PCSK2: variants seen among roughly 807,000 people sequenced by gnomAD.
PCSK2 encodes neuroendocrine convertase 2.
In PCSK2, 14 loss-of-function variants were observed where a neutral mutation model predicts 69.7. That is an observed-to-expected ratio of 0.20 (90% CI 0.13 to 0.31). The LOEUF is 0.31. PCSK2 is among the 10% of genes least tolerant of loss of function. The pLI, the probability that PCSK2 is intolerant of heterozygous loss-of-function variation, is 1.00. For missense variants in PCSK2, 544 were observed against 842.5 expected (o/e 0.65, Z 4.39); for synonymous variants, 307 against 320.7 (o/e 0.96, Z 0.46).
At chr20:17,276,745 G>C (rs1988095614) in intron 2 of PCSK2, among the ~76,000 whole-genome samples, 1 of 152,094 alleles carries the variant, frequency 6.6e-6, no homozygotes, top group Non-Finnish European at 1.5e-5. Flanking sequence ...AGGAAATAAA[G>C]GGCATTCAAT....
At chr20:17,404,005 G>A (rs1406183136) in intron 5 of PCSK2, among the ~76,000 whole-genome samples, 2 of 152,210 alleles carry the variant, frequency 1.3e-5, no homozygotes, top group Non-Finnish European at 2.9e-5. Context: ...GGGCAAATTA[G>A]AAAAGATGTC....
chr20:17,291,376 G>GTGTTT (rs577696780), intron 2 of PCSK2, among the ~76,000 whole-genome samples: 33 of 152,068 alleles, frequency 2.2e-4, no homozygotes, highest in African/African-American at 6.5e-4. Context: ...TGTTTTTGTT[G>GTGTTT]TGTTTTGTTT....
At chr20:17,276,282 A>G (rs1988072159) in intron 2 of PCSK2, among the ~76,000 whole-genome samples, 1 of 152,144 alleles carries the variant, frequency 6.6e-6, no homozygotes, top group Non-Finnish European at 1.5e-5. Flanking sequence ...AGCTTTCTCA[A>G]ATCCCTCAGA....
chr20:17,361,497 C>T (rs764469342), intron 4 of PCSK2, among the ~76,000 whole-genome samples: 1 of 152,198 alleles, frequency 6.6e-6, no homozygotes, highest in Non-Finnish European at 1.5e-5. Context: ...CCTCCATCAC[C>T]CATCTGGGTC....
chr20:17,370,110 G>A (rs1226427336), intron 5 of PCSK2, among the ~76,000 whole-genome samples: 3 of 152,166 alleles, frequency 2.0e-5, no homozygotes, highest in Non-Finnish European at 2.9e-5. Flanking sequence ...TTTAACCCCA[G>A]GGAGTACAAG....
At chr20:17,312,058 A>G (rs974516232) in intron 2 of PCSK2, among the ~76,000 whole-genome samples, 2 of 152,150 alleles carry the variant, frequency 1.3e-5, no homozygotes, top group African/African-American at 4.8e-5. Context: ...TATTATTGAG[A>G]ATTATCTATT....
chr20:17,368,908 C>T (rs1004257258), intron 4 of PCSK2, among the ~76,000 whole-genome samples: 1 of 152,220 alleles, frequency 6.6e-6, no homozygotes, highest in Non-Finnish European at 1.5e-5. Flanking sequence ...CTCCCCAGGG[C>T]CGGTTTCATT....
At chr20:17,358,162 T>C (rs781716085) in intron 2 of PCSK2, among the ~76,000 whole-genome samples, 165 bp from the exon 3 acceptor site, 1 of 151,398 alleles carries the variant, frequency 6.6e-6, no homozygotes, top group African/African-American at 2.4e-5. Flanking sequence ...AAATACAAAA[T>C]AATAATAATA....
chr20:17,309,896 GGAA>G lies in PCSK2; in HGVS notation c.283-48418_283-48416del, dbSNP rs1230633550. ...AAGGGGAAGAGAAAGAGGAGGAAGA[GGAA>G]GAAGAAGAAGAAAGGGAAGGGGAAG... On this transcript the variant is annotated intron_variant, in intron 2 of 11. Transcript: ENST00000262545. 2.9e-3 allele frequency among the ~76,000 whole-genome samples: 439 copies of G among 150,400 alleles called. 2 individuals carry two copies. The highest frequency in any genetic ancestry group is 0.01 in the African/African-American group (413 of 40,910).
At chr20:17,283,289 G>T (rs1445618160) in intron 2 of PCSK2, among the ~76,000 whole-genome samples, 1 of 152,192 alleles carries the variant, frequency 6.6e-6, no homozygotes, top group Non-Finnish European at 1.5e-5. Context: ...GCTAAATTCT[G>T]TAGAAAGACC....
chr20:17,295,887 A>G (rs554822120), intron 2 of PCSK2, among the ~76,000 whole-genome samples: 36 of 152,288 alleles, frequency 2.4e-4, no homozygotes, highest in African/African-American at 7.2e-4. Context: ...TAATGTATCC[A>G]TATTGATAAC....
intron 1 of PCSK2, among the ~76,000 whole-genome samples, chr20:17,259,305 G>A (rs1463809913): frequency 9.2e-5 from 14 of 152,134 alleles, no homozygotes; most frequent in Non-Finnish European, 1.5e-5. Context: ...TAATTTGTAA[G>A]CATTCAATTA....
At chr20:17,377,470 A>T (rs1036051693) in intron 5 of PCSK2, among the ~76,000 whole-genome samples, 5 of 152,256 alleles carry the variant, frequency 3.3e-5, no homozygotes, top group Admixed American at 1.3e-4. Flanking sequence ...CCTCCATGAT[A>T]AAAGGGCGAC....
intron 2 of PCSK2, among the ~76,000 whole-genome samples, chr20:17,268,957 A>T (rs942212186): frequency 6.6e-6 from 1 of 152,200 alleles, no homozygotes; most frequent in Non-Finnish European, 1.5e-5. Context: ...GAGGAATGGG[A>T]GAGGAAGTGA....
At chr20:17,294,296 C>T (rs1263565208) in intron 2 of PCSK2, among the ~76,000 whole-genome samples, 3 of 150,966 alleles carry the variant, frequency 2.0e-5, no homozygotes, top group African/African-American at 4.9e-5. Context: ...TTAGTAGAGA[C>T]GGGGTTTCAC....
At chr20:17,378,594 T>C (rs868561635) in intron 5 of PCSK2, among the ~76,000 whole-genome samples, 6 of 70,268 alleles carry the variant, frequency 8.5e-5, no homozygotes, top group Non-Finnish European at 1.7e-4. Flanking sequence ...GATGGACGGA[T>C]GGATGGATGG....
intron 2 of PCSK2, among the ~76,000 whole-genome samples, chr20:17,271,908 T>A (rs761607801): frequency 2.8e-4 from 43 of 152,116 alleles, no homozygotes; most frequent in Non-Finnish European, 5.6e-4. Context: ...CAGGACAGGA[T>A]GAAACCTGAT....
At chr20:17,417,119 C>T (rs1203871197) in intron 6 of PCSK2, among the ~76,000 whole-genome samples, 1 of 152,116 alleles carries the variant, frequency 6.6e-6, no homozygotes, top group African/African-American at 2.4e-5. Context: ...CACATGTATA[C>T]CTATGTAACA....
intron 2 of PCSK2, among the ~76,000 whole-genome samples, chr20:17,325,631 G>C (rs936904258): frequency 4.6e-5 from 7 of 152,216 alleles, no homozygotes; most frequent in African/African-American, 1.7e-4. Context: ...AACAATCATT[G>C]GTTATTGTCC....
Sources: gnomAD v4.1 joint callset for allele counts (sites outside exome capture counted in the v4.1 genomes callset) on GRCh38, gnomAD v4.1.1 for gene constraint, MANE v1.5 for transcripts, NCBI Gene and HGNC (gene_info 2026-07-23, HGNC 2026-07-21) for gene names.